The following MYRIP variants were observed in gnomAD, a reference collection of about 807,000 sequenced individuals.
MYRIP encodes the protein rab effector MyRIP.
In MYRIP, 49 loss-of-function variants were observed where a neutral mutation model predicts 98.0. That is an observed-to-expected ratio of 0.50 (90% CI 0.40 to 0.63). The LOEUF (loss-of-function observed/expected upper bound fraction) is 0.63. MYRIP is among the 30% of genes least tolerant of loss of function. The pLI is 0.00. For synonymous variants in MYRIP, 404 were observed against 409.5 expected (o/e 0.99, Z 0.16); for missense variants, 1,004 against 1,058.2 (o/e 0.95, Z 0.71).
At chr3:40,041,621 A>C (rs4676459) in intron 2 of MYRIP, among the ~76,000 whole-genome samples, 120,165 of 151,278 alleles carry the variant, frequency 0.79, 51,089 homozygotes, top group Non-Finnish European at 0.95. Context: ...ACACGTTTAC[A>C]AATGTAACAC....
At chr3:39,809,344 G>A (rs1364767771), upstream of MYRIP, among the ~76,000 whole-genome samples, 1 of 150,632 alleles carries the variant, frequency 6.6e-6, no homozygotes, top group Non-Finnish European at 1.5e-5. Flanking sequence ...AGGGGCGCGG[G>A]TCCCCGCCCC....
At chr3:39,932,337 TA>T (rs1944559216) in intron 2 of MYRIP, among the ~76,000 whole-genome samples, 8 of 151,928 alleles carry the variant, frequency 5.3e-5, no homozygotes, top group Non-Finnish European at 1.0e-4. Flanking sequence ...CTGCTCACTC[TA>T]TCAGTCAGTC....
intron 4 of MYRIP, among the ~76,000 whole-genome samples, chr3:40,160,679 C>G (rs376561293): frequency 4.6e-5 from 7 of 152,272 alleles, no homozygotes; most frequent in African/African-American, 1.7e-4. Flanking sequence ...GAGCCAGGTG[C>G]GGGATATAAT....
chr3:40,213,854 T>G (rs1952036404), intron 11 of MYRIP, among the ~76,000 whole-genome samples: 1 of 152,144 alleles, frequency 6.6e-6, no homozygotes. Context: ...CACTAACTAG[T>G]GACTGATGGG....
intron 1 of MYRIP, among the ~76,000 whole-genome samples, chr3:39,878,547 T>C (rs1014661422): frequency 3.9e-5 from 6 of 152,110 alleles, no homozygotes; most frequent in African/African-American, 1.2e-4. Context: ...TGAACATTTT[T>C]GAAAATACAA....
chr3:39,853,133 C>T (rs1942188189), intron 1 of MYRIP, among the ~76,000 whole-genome samples: 1 of 152,138 alleles, frequency 6.6e-6, no homozygotes, highest in East Asian at 1.9e-4. Context: ...ATGTATACTA[C>T]ATTTTCTTTA....
chr3:40,178,148 A>G (rs1202409383), intron 8 of MYRIP, among the ~76,000 whole-genome samples: 1 of 152,042 alleles, frequency 6.6e-6, no homozygotes, highest in African/African-American at 2.4e-5. Flanking sequence ...GCTCTTTGAG[A>G]GCAAAGACTG....
intron 3 of MYRIP, among the ~76,000 whole-genome samples, chr3:40,096,265 TG>T (rs1948833218): frequency 6.6e-6 from 1 of 151,902 alleles, no homozygotes; most frequent in African/African-American, 2.4e-5. Flanking sequence ...AAAAAAGGGG[TG>T]ACCTGGGCAT....
At chr3:39,970,311 G>C (rs572581368) in intron 2 of MYRIP, 1 of 152,056 alleles carries the variant, frequency 6.6e-6, no homozygotes, top group East Asian at 1.9e-4. Context: ...TATAATAACT[G>C]CTACTGTTAT....
chr3:40,019,396 T>C (rs935789597), intron 2 of MYRIP, among the ~76,000 whole-genome samples: 2 of 152,178 alleles, frequency 1.3e-5, no homozygotes, highest in Non-Finnish European at 2.9e-5. Context: ...TGCTCCATTC[T>C]CCTGCTAGTG....
intron 2 of MYRIP, among the ~76,000 whole-genome samples, chr3:39,984,019 A>G (rs945515078): frequency 6.6e-6 from 1 of 152,066 alleles, no homozygotes; most frequent in Admixed American, 6.6e-5. Context: ...GCATTAAATT[A>G]TCTCTTCTTT....
chr3:39,932,536 GT>G (rs1944564772), intron 2 of MYRIP, among the ~76,000 whole-genome samples: 1 of 151,876 alleles, frequency 6.6e-6, no homozygotes, highest in South Asian at 2.1e-4. Context: ...AAATTTTTCG[GT>G]TTTTTGGGGG....
chr3:40,226,891 C>A (rs1292444458), intron 11 of MYRIP, among the ~76,000 whole-genome samples: 1 of 152,174 alleles, frequency 6.6e-6, no homozygotes, highest in Non-Finnish European at 1.5e-5. Context: ...CACTGTAAGA[C>A]CTCCCCTCTG....
intron 3 of MYRIP, among the ~76,000 whole-genome samples, chr3:40,129,476 A>T (rs1319279591): frequency 1.6e-5 from 2 of 124,650 alleles, no homozygotes; most frequent in African/African-American, 3.0e-5. Context: ...AAAAAAAAAA[A>T]TCATGCCACC....
At chr3:40,054,364 T>C (rs1413908715) in intron 3 of MYRIP, among the ~76,000 whole-genome samples, 2 of 152,168 alleles carry the variant, frequency 1.3e-5, no homozygotes, top group Non-Finnish European at 2.9e-5. Context: ...TATAGCCTGA[T>C]CACCATAGGT....
intron 2 of MYRIP, among the ~76,000 whole-genome samples, chr3:39,956,743 T>C (rs150872778): frequency 2.2e-4 from 34 of 151,712 alleles, no homozygotes; most frequent in African/African-American, 8.3e-4. Context: ...TCCAGGAGCT[T>C]GTATTTTGAA....
At chr3:39,859,277 G>A (rs1942392686) in intron 1 of MYRIP, among the ~76,000 whole-genome samples, 1 of 152,118 alleles carries the variant, frequency 6.6e-6, no homozygotes, top group Admixed American at 6.5e-5. Context: ...GGATACCCTA[G>A]AAGAACGAGT....
chr3:40,206,093 A>G (rs1034844084), intron 10 of MYRIP, among the ~76,000 whole-genome samples: 1 of 152,172 alleles, frequency 6.6e-6, no homozygotes, highest in Non-Finnish European at 1.5e-5. Flanking sequence ...TTTGTGAACA[A>G]TATCAGGGGT....
At chr3:40,191,907 G>A (rs908529124) in intron 10 of MYRIP, among the ~76,000 whole-genome samples, 13 of 152,196 alleles carry the variant, frequency 8.5e-5, no homozygotes, top group African/African-American at 1.2e-4. Context: ...AAAATGTCAC[G>A]TCTCCACCTC....
Sources: gnomAD v4.1 joint callset for allele counts (sites outside exome capture counted in the v4.1 genomes callset) on GRCh38, gnomAD v4.1.1 for gene constraint, MANE v1.5 for transcripts, NCBI Gene and HGNC (gene_info 2026-07-23, HGNC 2026-07-21) for gene names.